Variants in NAV3 observed in about 807,000 individuals in gnomAD.
NAV3 encodes pore membrane and/or filament interacting like protein 1.
A neutral mutation model predicts 244.7 loss-of-function variants in NAV3; 87 were observed. The ratio of observed to expected loss-of-function variants is 0.36; its 90% CI spans 0.30 to 0.42. The LOEUF (loss-of-function observed/expected upper bound fraction) is 0.42, where lower values mean the gene tolerates loss of function less well. Among genes scored for constraint, NAV3 ranks in the 20% least tolerant of loss-of-function variants. The pLI is 1.00. For missense variants in NAV3, 2,663 were observed against 2,893.3 expected (o/e 0.92, Z 1.83); for synonymous variants, 1,126 against 1,042.2 (o/e 1.08, Z -1.55).
intron 31 of NAV3, 132 bp from the exon 32 acceptor site, chr12:78,188,116 A>G (rs981219848): frequency 9.3e-6 from 6 of 645,704 alleles, no homozygotes; most frequent in African/African-American, 1.9e-5. Context: ...TGTGTCTGTT[A>G]CTATAGAAGC....
At chr12:77,844,078 T>C (rs1338448507) in intron 1 of NAV3, among the ~76,000 whole-genome samples, 1 of 152,198 alleles carries the variant, frequency 6.6e-6, no homozygotes, top group African/African-American at 2.4e-5. Context: ...TCAGTGCATT[T>C]GTGCTGCTAT....
chr12:77,810,747 C>G (rs1817192912), intron 2 of NAV3, among the ~76,000 whole-genome samples: 2 of 152,106 alleles, frequency 1.3e-5, no homozygotes, highest in African/African-American at 4.8e-5. Flanking sequence ...TCATTCAATA[C>G]TAGTTTTTTT....
At chr12:78,098,586 TGGGC>T (rs1260433050) in intron 12 of NAV3, among the ~76,000 whole-genome samples, 1 of 151,894 alleles carries the variant, frequency 6.6e-6, no homozygotes, top group East Asian at 1.9e-4. Flanking sequence ...TAAAATTTTC[TGGGC>T]AAAAATATTA....
rs1260866294 is a variant in NAV3, at chr12:78,190,191, C to T, written c.6263C>T (p.Thr2088Ile). The change falls in exon 34 of 40, where the codon ACT becomes ATT. Residue 2088 changes from threonine (T) to isoleucine (I), a missense_variant. Physicochemically the swap from Thr to Ile is moderately conservative, Grantham distance 89. Transcript: ENST00000397909. Reference sequence around the variant, plus strand: ...AAAAAAACAGAGGATGCAATTGCCACTTTTAATGTGGACCACAAGTCAAGT... The same window carrying T: ...AAAAAAACAGAGGATGCAATTGCCATTTTTAATGTGGACCACAAGTCAAGT... ...GRKKTEDAIATFNVDHKSSKE... is the reference protein window; with the variant it reads ...GRKKTEDAIAIFNVDHKSSKE... 3.7e-6 allele frequency: 6 copies of T among 1,612,212 alleles called. No individual in the cohort carries two copies. The African/African-American group carries it at 5.3e-5, about 14-fold the overall frequency.
At chr12:77,938,716 AGGCTGTCTCTT>A (rs1321170422) in intron 1 of NAV3, among the ~76,000 whole-genome samples, 1 of 152,152 alleles carries the variant, frequency 6.6e-6, no homozygotes, top group Non-Finnish European at 1.5e-5. Context: ...TACATATGTC[AGGCTGTCTCTT>A]GCAACTTTAG....
chr12:78,066,381 C>G (rs539201509), intron 12 of NAV3, among the ~76,000 whole-genome samples: 1 of 152,086 alleles, frequency 6.6e-6, no homozygotes, highest in South Asian at 2.1e-4. Context: ...AAGCTATAAC[C>G]TGGGTTACTG....
chr12:78,119,514 A>C lies in NAV3; in HGVS notation c.3318A>C (p.Ser1106=), dbSNP rs2138615558. The change falls in exon 15 of 40, where the codon TCA becomes TCC. Residue 1106 remains serine, a synonymous_variant. Transcript: ENST00000397909. ...IPKSAAIGGK[S]NAGRKTSLDG... is the part of the protein sequence containing the mutation. ...AATCTGCTGCCATTGGCGGGAAGTC[A>C]AATGCAGGGAGAAAAACCAGTTTGG... is the stretch of plus-strand genomic sequence containing the variant. 1 of 1,614,192 alleles carries C rather than the reference A, an allele frequency of 6.2e-7. No individual in the cohort carries two copies. The highest frequency in any genetic ancestry group is 1.1e-5 in the South Asian group (1 of 91,088).
chr12:77,800,770 T>C (rs1592694683), intron 2 of NAV3, among the ~76,000 whole-genome samples: 1 of 152,164 alleles, frequency 6.6e-6, no homozygotes, highest in African/African-American at 2.4e-5. Flanking sequence ...TTTTAGGAGA[T>C]ACAGTTTTGT....
chr12:77,927,330 A>T (rs886326707), intron 1 of NAV3, among the ~76,000 whole-genome samples: 13 of 152,244 alleles, frequency 8.5e-5, no homozygotes, highest in African/African-American at 3.1e-4. Context: ...TGGACATAAG[A>T]TGTAACAGAA....
chr12:77,736,226 T>G, intron 2 of NAV3, among the ~76,000 whole-genome samples: 1 of 152,234 alleles, frequency 6.6e-6, no homozygotes. Context: ...ACCAATTTTA[T>G]TCTAGCGAAG....
chr12:77,956,197 T>G (rs1891342786), intron 3 of NAV3, among the ~76,000 whole-genome samples: 1 of 152,228 alleles, frequency 6.6e-6, no homozygotes, highest in Admixed American at 6.5e-5. Flanking sequence ...GATTGGCATT[T>G]GCTGAAACTA....
At chr12:77,961,121 A>T (rs1891909499) in intron 3 of NAV3, among the ~76,000 whole-genome samples, 1 of 145,660 alleles carries the variant, frequency 6.9e-6, no homozygotes, top group Non-Finnish European at 1.5e-5. Flanking sequence ...TAATATAATA[A>T]ATATATACTT....
At chr12:78,121,422 G>A (rs1955663276) in intron 15 of NAV3, among the ~76,000 whole-genome samples, 1 of 151,978 alleles carries the variant, frequency 6.6e-6, no homozygotes, top group South Asian at 2.1e-4. Context: ...ACTGCTCCCT[G>A]ACAGTGACTC....
At chr12:78,064,434 C>CCTGT (rs1884748991) in intron 12 of NAV3, among the ~76,000 whole-genome samples, 1 of 122,286 alleles carries the variant, frequency 8.2e-6, no homozygotes, top group Non-Finnish European at 1.9e-5. Context: ...TGTCTGCCTG[C>CCTGT]CTGCCTGCCT....
At chr12:77,621,477 C>CTTTTTTTTTTTTTTTTT (rs1217567447) in intron 2 of NAV3, among the ~76,000 whole-genome samples, 1 of 135,046 alleles carries the variant, frequency 7.4e-6, no homozygotes. Flanking sequence ...TTTCTCTTCT[C>CTTTTTTTTTTTTTTTTT]TTTTTTTTTT....
At chr12:77,932,719 G>A (rs1888930333) in intron 1 of NAV3, among the ~76,000 whole-genome samples, 1 of 152,052 alleles carries the variant, frequency 6.6e-6, no homozygotes, top group Admixed American at 6.6e-5. Flanking sequence ...TCATTTTCAT[G>A]TTCCCTACAT....
At chr12:77,650,312 A>G (rs1158893615) in intron 2 of NAV3, among the ~76,000 whole-genome samples, 1 of 152,140 alleles carries the variant, frequency 6.6e-6, no homozygotes, top group Non-Finnish European at 1.5e-5. Context: ...TTAACCCTCT[A>G]CTGTGGAGGA....
At chr12:78,093,957 A>G (rs915340856) in intron 12 of NAV3, among the ~76,000 whole-genome samples, 1 of 152,114 alleles carries the variant, frequency 6.6e-6, no homozygotes, top group African/African-American at 2.4e-5. Context: ...GGGCTCAAAC[A>G]GTCTTCTCCA....
At chr12:77,572,397 A>G (rs1378092801) in intron 2 of NAV3, 2 of 152,290 alleles carry the variant, frequency 1.3e-5, no homozygotes, top group Non-Finnish European at 2.9e-5. Context: ...CTGTATGGCA[A>G]TGTGTTTCTG....
Sources: gnomAD v4.1 joint callset for allele counts (sites outside exome capture counted in the v4.1 genomes callset) on GRCh38, gnomAD v4.1.1 for gene constraint, MANE v1.5 for transcripts, NCBI Gene and HGNC (gene_info 2026-07-23, HGNC 2026-07-21) for gene names.